The following STPG2 variants were observed in gnomAD, a reference collection of about 807,000 sequenced individuals.
STPG2 encodes the protein sperm-tail PG-rich repeat-containing protein 2.
A neutral mutation model predicts 54.2 loss-of-function variants in STPG2; 56 were observed. The observed-to-expected ratio is 1.03, with a 90% CI of 0.83 to 1.29. STPG2 has a LOEUF of 1.29. STPG2 is among the 50% of genes most tolerant of loss of function. The pLI, the probability that STPG2 is intolerant of heterozygous loss-of-function variation, is 0.00. For synonymous variants in STPG2, 200 were observed against 181.8 expected (o/e 1.10, Z -0.81); for missense variants, 596 against 544.9 (o/e 1.09, Z -0.93).
intron 9 of STPG2, among the ~76,000 whole-genome samples, chr4:97,744,569 A>T (rs889142386): frequency 6.6e-6 from 1 of 151,342 alleles, no homozygotes; most frequent in African/African-American, 2.4e-5. Flanking sequence ...TTCAGGGGAT[A>T]CTTCCTAAGA....
intron 8 of STPG2, among the ~76,000 whole-genome samples, chr4:97,863,269 C>G (rs1315153161): frequency 6.6e-6 from 1 of 152,124 alleles, no homozygotes; most frequent in Non-Finnish European, 1.5e-5. Flanking sequence ...GGGGATATCA[C>G]CACCGATCCC....
In STPG2 at chr4:97,679,272, T is replaced by A. The variant is rs1481776851; in HGVS notation, c.1320+33427A>T. ...GTAAAAGTATTCCTATTTCTCCACA[T>A]CCTCTCCAGCACCTGTTGTTTCCTG... is the stretch of plus-strand genomic sequence containing the variant. On this transcript the variant is annotated intron_variant, in intron 10 of 10. Transcript: ENST00000295268. Among the ~76,000 whole-genome samples, 7 of 152,246 alleles carry A rather than the reference T, an allele frequency of 4.6e-5. No individual in the cohort carries two copies. The East Asian group carries it at 1.2e-3, about 25-fold the overall frequency.
chr4:97,959,525 C>T (rs970358367), intron 7 of STPG2, among the ~76,000 whole-genome samples: 6 of 152,006 alleles, frequency 3.9e-5, no homozygotes, highest in Non-Finnish European at 5.9e-5. Flanking sequence ...GGACATATTA[C>T]AACTGACACC....
Position 97,862,591 on chromosome 4 carries a change from C to T in STPG2, c.1045-21659G>A, listed in dbSNP as rs188639406. 2.0e-3 allele frequency among the ~76,000 whole-genome samples: 311 copies of T among 152,154 alleles called. 5 individuals carry two copies. Among genetic ancestry groups the T allele is most frequent in the Admixed American group, 0.013 (205 of 15,278 alleles). ...GAATTGAATTCAGCTCTGCACCAAG[C>T]AGACCTAATAGACATCTGCAGAACG... is the stretch of plus-strand genomic sequence containing the variant. On this transcript the variant is annotated intron_variant, in intron 8 of 10. Transcript: ENST00000295268.
At position 97,616,050 on chromosome 4, in the gene STPG2, ACATATAAATATATATATATATAT is replaced by A. The variant is rs1560686796; in HGVS notation, c.1321-56956_1321-56934del. 9.6e-3 allele frequency among the ~76,000 whole-genome samples: 775 copies of A among 80,634 alleles called. 36 individuals are homozygous for A. The highest frequency in any genetic ancestry group is 0.037 in the African/African-American group (731 of 19,732). The allele number at this position is 80,634 out of a possible 152,430, so 52.9% of individuals were successfully genotyped here. On this transcript the variant is annotated intron_variant, in intron 10 of 10. Transcript: ENST00000295268. ...AGACTCTGTCTCAAAAAAAAAAAAT[ACATATAAATATATATATATATAT>A]ATATATATATATATATATATATGTA...
chr4:97,888,991 C>A (rs1212623780), intron 8 of STPG2, among the ~76,000 whole-genome samples: 2 of 152,218 alleles, frequency 1.3e-5, no homozygotes, highest in African/African-American at 4.8e-5. Flanking sequence ...TTCCCCTTCA[C>A]CTTCAGCCAT....
intron 8 of STPG2, among the ~76,000 whole-genome samples, chr4:97,884,661 C>T (rs1730498209): frequency 6.6e-6 from 1 of 151,884 alleles, no homozygotes; most frequent in African/African-American, 2.4e-5. Flanking sequence ...AACAAAGCTT[C>T]ATTTTAGGAC....
At chr4:97,643,207 A>G (rs2148947097) in intron 10 of STPG2, among the ~76,000 whole-genome samples, 1 of 151,738 alleles carries the variant, frequency 6.6e-6, no homozygotes, top group Non-Finnish European at 1.5e-5. Flanking sequence ...AAAATTTTTA[A>G]AAAGAGGTTG....
intron 8 of STPG2, among the ~76,000 whole-genome samples, chr4:97,908,429 A>T (rs1458264020): frequency 6.7e-6 from 1 of 149,790 alleles, no homozygotes; most frequent in Non-Finnish European, 1.5e-5. Flanking sequence ...ACTGTAAACT[A>T]GTTCAACCAT....
At chr4:97,899,891 C>T (rs572084935) in intron 8 of STPG2, among the ~76,000 whole-genome samples, 25 of 152,220 alleles carry the variant, frequency 1.6e-4, no homozygotes, top group Non-Finnish European at 3.1e-4. Flanking sequence ...TAGGCAATAT[C>T]ATTCTGGACA....
chr4:97,485,591 T>C (rs573906494), intron 4 of STPG2, among the ~76,000 whole-genome samples: 13 of 152,076 alleles, frequency 8.5e-5, no homozygotes, highest in South Asian at 4.1e-4. Context: ...CCCATGCTCA[T>C]GGATGGATAG....
At chr4:97,556,922 G>C (rs574121741), downstream of STPG2, among the ~76,000 whole-genome samples, 2 of 152,168 alleles carry the variant, frequency 1.3e-5, no homozygotes, top group African/African-American at 4.8e-5. Flanking sequence ...GGTGGCTCAT[G>C]CCTGTAATCC....
At chr4:98,137,586 A>T (rs1430497228) in intron 1 of STPG2, among the ~76,000 whole-genome samples, 1 of 151,842 alleles carries the variant, frequency 6.6e-6, no homozygotes, top group Non-Finnish European at 1.5e-5. Context: ...TATGAACACT[A>T]AGGTAATCTG....
Position 97,959,091 on chromosome 4 carries a change from G to T in STPG2, c.933+13189C>A, listed in dbSNP as rs141515105. On this transcript the variant is annotated intron_variant, in intron 7 of 10. Transcript: ENST00000295268. ...AGGAACCTTCAAAATCATGCAAATA[G>T]AGGGAAATTAAATAATATGCTCCTG... 5.5e-4 allele frequency among the ~76,000 whole-genome samples: 84 copies of T among 152,092 alleles called. No individual in the cohort carries two copies. In the East Asian group the frequency reaches 0.013, roughly 24 times the overall value.
chr4:97,831,816 C>T (rs1728477663), intron 9 of STPG2, among the ~76,000 whole-genome samples: 1 of 152,088 alleles, frequency 6.6e-6, no homozygotes, highest in Admixed American at 6.6e-5. Context: ...CAAGTCTAAA[C>T]CAGGAAGAAG....
chr4:97,625,744 T>G (rs1734122967), intron 10 of STPG2, among the ~76,000 whole-genome samples: 1 of 152,210 alleles, frequency 6.6e-6, no homozygotes, highest in Admixed American at 6.5e-5. Context: ...AGGAAGAATC[T>G]CTAACTAAGG....
At chr4:97,497,258 A>G (rs1338432801) in intron 4 of STPG2, among the ~76,000 whole-genome samples, 2 of 151,856 alleles carry the variant, frequency 1.3e-5, no homozygotes, top group African/African-American at 4.8e-5. Flanking sequence ...CTCTTGATTA[A>G]ATACATCCTT....
At chr4:97,920,314 A>T (rs1367592863) in intron 8 of STPG2, among the ~76,000 whole-genome samples, 1 of 152,136 alleles carries the variant, frequency 6.6e-6, no homozygotes, top group Non-Finnish European at 1.5e-5. Flanking sequence ...TGTCTCTACA[A>T]CTTTGAGCTG....
intron 10 of STPG2, among the ~76,000 whole-genome samples, chr4:97,667,129 C>A (rs1722553833): frequency 6.6e-6 from 1 of 152,156 alleles, no homozygotes. Context: ...TAAATATCCC[C>A]AAACTACTGA....
Sources: gnomAD v4.1 joint callset for allele counts (sites outside exome capture counted in the v4.1 genomes callset) on GRCh38, gnomAD v4.1.1 for gene constraint, MANE v1.5 for transcripts, NCBI Gene and HGNC (gene_info 2026-07-23, HGNC 2026-07-21) for gene names.